Variants in ATP2B1 observed in about 807,000 individuals in gnomAD.
ATP2B1 encodes plasma membrane calcium-transporting ATPase 1.
In ATP2B1, 14 loss-of-function variants were observed where a neutral mutation model predicts 124.2. The observed-to-expected ratio is 0.11, with a 90% confidence interval of 0.07 to 0.18. ATP2B1 has a LOEUF of 0.18. Among genes scored for constraint, ATP2B1 ranks in the 10% least tolerant of loss-of-function variants. ATP2B1 has a pLI of 1.00. For synonymous variants in ATP2B1, 449 were observed against 492.4 expected, an observed-to-expected ratio of 0.91 and a Z score of 1.17; for missense variants, 763 against 1,466.1, an observed-to-expected ratio of 0.52 and a Z score of 7.83.
intron 15 of ATP2B1, among the ~76,000 whole-genome samples, chr12:89,608,119 T>G (rs1877296169): frequency 6.6e-6 from 1 of 152,144 alleles, no homozygotes. Flanking sequence ...ACAAGAGTAG[T>G]TTCAAGTCCA....
chr12:89,701,107 T>A (rs1891795192), intron 1 of ATP2B1, among the ~76,000 whole-genome samples: 1 of 152,210 alleles, frequency 6.6e-6, no homozygotes, highest in African/African-American at 2.4e-5. Context: ...ATTGCTATAC[T>A]CTAATACAGA....
At chr12:89,624,862 C>G (rs1880577654) in intron 8 of ATP2B1, among the ~76,000 whole-genome samples, 1 of 152,134 alleles carries the variant, frequency 6.6e-6, no homozygotes, top group African/African-American at 2.4e-5. Context: ...TTATATAACA[C>G]AAAGTATTAT....
chr12:89,599,044 C>T lies in ATP2B1; in HGVS notation c.3351+73G>A. ...GGCTAGAGAGGAAGTTTAAGGAGCA[C>T]ACTCGAACCTCCTCCCCAGGTCAAA... On this transcript the variant is annotated intron_variant, in intron 20 of 20. Transcript: ENST00000428670. The T allele has an allele frequency of 2.6e-6, 4 of 1,516,196 alleles. No individual in the cohort carries two copies. The South Asian group carries it at 5.1e-5, about 19-fold the overall frequency. 93.9% of individuals were successfully genotyped at this position (1,516,196 alleles called of 1,614,324 possible). A position where few individuals can be genotyped will look rare whatever the true frequency, so the allele number is the denominator to read the frequency against.
chr12:89,603,512 A>C lies in ATP2B1; in HGVS notation c.2848+200T>G. 1.5e-6 allele frequency: 1 copy of C among 646,988 alleles called. No individual in the cohort carries two copies. Among genetic ancestry groups the C allele is most frequent in the Non-Finnish European group, 2.6e-6 (1 of 381,360 alleles). 40.1% of individuals were successfully genotyped at this position (646,988 alleles called of 1,614,324 possible). A position where few individuals can be genotyped will look rare whatever the true frequency, so the allele number is the denominator to read the frequency against. Reference sequence around the variant, plus strand: ...CCAGGGTAAGACATCAGGACTGTTTATTCTCCTGTTTATTCTACTATCTAG... The same window carrying C: ...CCAGGGTAAGACATCAGGACTGTTTCTTCTCCTGTTTATTCTACTATCTAG... On this transcript the variant is annotated intron_variant, in intron 17 of 20. Coordinates refer to ENST00000428670, the MANE Select transcript of ATP2B1 (RefSeq NM_001366521.1). The surrounding 1 kb of genome is among the most constrained non-coding windows in gnomAD (Gnocchi z 4.3).
At chr12:89,623,025 A>C (rs11105345) in intron 9 of ATP2B1, among the ~76,000 whole-genome samples, 144,882 of 152,172 alleles carry the variant, frequency 0.95, 69,048 homozygotes, top group East Asian at 0.99. Context: ...AAAATATCAA[A>C]AAAGGACAGA....
intron 1 of ATP2B1, among the ~76,000 whole-genome samples, chr12:89,705,935 G>A (rs557002055): frequency 2.4e-4 from 37 of 152,292 alleles, no homozygotes; most frequent in African/African-American, 8.2e-4. Context: ...ATATTTTGCG[G>A]TTTGTAAGTA....
chr12:89,649,010 G>A (rs538750060), intron 2 of ATP2B1, among the ~76,000 whole-genome samples: 4 of 152,264 alleles, frequency 2.6e-5, no homozygotes, highest in Non-Finnish European at 5.9e-5. Flanking sequence ...AGGCTTGGCA[G>A]TTTTCCCCTA....
chr12:89,622,376 T>C (rs995690251), intron 9 of ATP2B1, among the ~76,000 whole-genome samples: 4 of 152,074 alleles, frequency 2.6e-5, no homozygotes, highest in Non-Finnish European at 5.9e-5. Context: ...TTCTATATGC[T>C]GGCAGACTTG....
intron 1 of ATP2B1, among the ~76,000 whole-genome samples, chr12:89,689,235 C>T (rs1005730657): frequency 1.3e-5 from 2 of 151,964 alleles, no homozygotes; most frequent in Admixed American, 6.6e-5. Flanking sequence ...AGATAATCAA[C>T]AAATAATTTT....
At chr12:89,610,330 T>A in intron 14 of ATP2B1, 91 bp downstream of exon 14, 3 of 1,077,640 alleles carry the variant, frequency 2.8e-6, no homozygotes, top group Non-Finnish European at 4.2e-6. Context: ...TATCCATGAC[T>A]CAATCTAATA....
intron 1 of ATP2B1, among the ~76,000 whole-genome samples, chr12:89,699,306 G>C (rs566562410): frequency 6.6e-6 from 1 of 152,318 alleles, no homozygotes; most frequent in East Asian, 1.9e-4. Context: ...GCAAGAGGCA[G>C]AGTTAAATGC....
chr12:89,611,536 C>T, intron 12 of ATP2B1, 164 bp from the exon 13 acceptor site: 1 of 546,544 alleles, frequency 1.8e-6, no homozygotes, highest in Non-Finnish European at 2.8e-6. Flanking sequence ...ACATTTCTTG[C>T]ACTATTTTCA....
intron 20 of ATP2B1, among the ~76,000 whole-genome samples, chr12:89,596,673 T>G (rs1874678675): frequency 6.6e-6 from 1 of 152,146 alleles, no homozygotes; most frequent in Non-Finnish European, 1.5e-5. Context: ...TCATAAAATA[T>G]TAAGTGGTAA....
intron 1 of ATP2B1, among the ~76,000 whole-genome samples, chr12:89,702,203 G>A (rs913780401): frequency 2.0e-5 from 3 of 152,148 alleles, no homozygotes; most frequent in African/African-American, 4.8e-5. Context: ...CCTGGAGTTT[G>A]GTTGTGCCTC....
chr12:89,657,526 T>C (rs756913558), intron 1 of ATP2B1, among the ~76,000 whole-genome samples: 34 of 152,192 alleles, frequency 2.2e-4, no homozygotes, highest in Admixed American at 2.2e-3. Flanking sequence ...GTTTGATGAT[T>C]AGAACTAGAA....
chr12:89,614,027 G>A (rs1878515076), intron 12 of ATP2B1, among the ~76,000 whole-genome samples: 1 of 152,154 alleles, frequency 6.6e-6, no homozygotes, highest in African/African-American at 2.4e-5. Flanking sequence ...AAAAACAAGT[G>A]CCATTTACAT....
intron 5 of ATP2B1, among the ~76,000 whole-genome samples, chr12:89,632,204 G>A (rs985767800): frequency 1.3e-5 from 2 of 151,772 alleles, no homozygotes; most frequent in African/African-American, 4.8e-5. Flanking sequence ...ATCTTCTGGA[G>A]CACAGTGAAC....
rs549426590 is a variant in ATP2B1, at chr12:89,698,581, G to A, written c.-222+10015C>T. On this transcript the variant is annotated intron_variant, in intron 1 of 20. Transcript: ENST00000428670. ...ACTGTGGAAATATATACATGCCTCA[G>A]AACTCAAGTTTTTCACTTTAAGTGT... Among the ~76,000 whole-genome samples, 47 of 152,212 alleles carry A rather than the reference G, an allele frequency of 3.1e-4. 1 individual carries two copies. Among genetic ancestry groups the A allele is most frequent in the African/African-American group, 1.1e-3 (47 of 41,538 alleles).
intron 1 of ATP2B1, among the ~76,000 whole-genome samples, chr12:89,689,634 G>C (rs1363772774): frequency 6.6e-6 from 1 of 151,920 alleles, no homozygotes; most frequent in Non-Finnish European, 1.5e-5. Context: ...TCCACATCTG[G>C]CCCATATTTA....
Sources: gnomAD v4.1 joint callset for allele counts (sites outside exome capture counted in the v4.1 genomes callset) on GRCh38, gnomAD v4.1.1 for gene constraint, Gnocchi (gnomAD v3.1) non-coding constraint, MANE v1.5 for transcripts, NCBI Gene and HGNC (gene_info 2026-07-23, HGNC 2026-07-21) for gene names.